Variants in GLYATL2 observed in about 807,000 individuals in gnomAD.
GLYATL2 encodes glycine-N-acyltransferase like 2.
A neutral mutation model predicts 21.4 loss-of-function variants in GLYATL2; 25 were observed. The observed-to-expected ratio is 1.17, with a 90% CI of 0.85 to 1.63. GLYATL2 has a LOEUF of 1.63. Ranked by LOEUF, GLYATL2 falls within the 40% of genes most tolerant of loss-of-function variation. GLYATL2 has a pLI of 0.00. For missense variants in GLYATL2, 361 were observed against 343.3 expected, an observed-to-expected ratio of 1.05 and a Z score of -0.41; for synonymous variants, 114 against 118.2, an observed-to-expected ratio of 0.96 and a Z score of 0.23.
upstream of GLYATL2, among the ~76,000 whole-genome samples, chr11:58,846,944 G>A (rs1228904075): frequency 6.6e-6 from 1 of 151,940 alleles, no homozygotes; most frequent in Non-Finnish European, 1.5e-5. Context: ...CCCTCTGCTT[G>A]AGGAATGAAA....
intron 1 of GLYATL2, among the ~76,000 whole-genome samples, chr11:58,863,598 G>A (rs1853970696): frequency 6.6e-6 from 1 of 152,212 alleles, no homozygotes; most frequent in African/African-American, 2.4e-5. Context: ...GGGCTGGGAT[G>A]GGGTGGGGCC....
intron 1 of GLYATL2, among the ~76,000 whole-genome samples, chr11:58,881,364 G>T (rs187436991): frequency 6.6e-6 from 1 of 152,246 alleles, no homozygotes; most frequent in East Asian, 1.9e-4. Context: ...CCTTCTCCAA[G>T]TTATTGTTAA....
intron 1 of GLYATL2, chr11:58,892,334 C>A: frequency 6.4e-6 from 1 of 155,896 alleles, no homozygotes. Flanking sequence ...ACAGATACTC[C>A]CTTGGAGGAG....
chr11:58,838,878 G>A (rs760694259), intron 2 of GLYATL2, among the ~76,000 whole-genome samples: 2 of 152,166 alleles, frequency 1.3e-5, no homozygotes, highest in Admixed American at 6.5e-5. Context: ...TGTCTAGGAA[G>A]TGATAAGGAA....
intron 1 of GLYATL2, among the ~76,000 whole-genome samples, chr11:58,879,757 T>A (rs1854298495): frequency 6.6e-6 from 1 of 152,202 alleles, no homozygotes; most frequent in Non-Finnish European, 1.5e-5. Flanking sequence ...ATGGGGGTGA[T>A]GCTTGTAGAG....
chr11:58,897,793 C>G (rs919760769), intron 1 of GLYATL2, among the ~76,000 whole-genome samples: 1 of 152,164 alleles, frequency 6.6e-6, no homozygotes, highest in Admixed American at 6.5e-5. Flanking sequence ...CTTCTTATTA[C>G]AGTTACAAAC....
intron 1 of GLYATL2, among the ~76,000 whole-genome samples, chr11:58,902,407 C>T (rs759965941): frequency 6.6e-6 from 1 of 152,196 alleles, no homozygotes; most frequent in Non-Finnish European, 1.5e-5. Context: ...ACTCATCTCT[C>T]ATCCATCAAG....
intron 1 of GLYATL2, among the ~76,000 whole-genome samples, chr11:58,852,850 T>C (rs1853765256): frequency 1.3e-5 from 2 of 152,206 alleles, no homozygotes; most frequent in Non-Finnish European, 1.5e-5. Context: ...GAACACAATA[T>C]GGTCCTTAAG....
chr11:58,866,404 G>T (rs1479791516), intron 1 of GLYATL2, among the ~76,000 whole-genome samples: 1 of 148,744 alleles, frequency 6.7e-6, no homozygotes, highest in Non-Finnish European at 1.5e-5. Flanking sequence ...CACATCTAAA[G>T]CCACCATCAT....
At chr11:58,856,086 G>A (rs564971801) in intron 1 of GLYATL2, among the ~76,000 whole-genome samples, 17 of 152,138 alleles carry the variant, frequency 1.1e-4, no homozygotes, top group East Asian at 3.9e-4. Flanking sequence ...AGCCCTGATC[G>A]CTGCACCACT....
intron 1 of GLYATL2, among the ~76,000 whole-genome samples, chr11:58,880,100 C>T (rs1338519535): frequency 3.3e-5 from 5 of 152,082 alleles, no homozygotes; most frequent in South Asian, 2.1e-4. Context: ...CCTCGTGATC[C>T]GCCCACCTCG....
chr11:58,848,716 C>G (rs964423690), upstream of GLYATL2, among the ~76,000 whole-genome samples: 4 of 151,836 alleles, frequency 2.6e-5, no homozygotes, highest in African/African-American at 9.7e-5. Context: ...TAGAAAATAG[C>G]CTTGAAAGGG....
rs541832143 is a variant in GLYATL2, at chr11:58,893,157, A to G, written n.60+10999T>C. Reference sequence around the variant, plus strand: ...GCCTTCCTTACATCAAGCGCTGCATAGGAGCCATGCCAGCAGCCTGTATCC... The same window carrying G: ...GCCTTCCTTACATCAAGCGCTGCATGGGAGCCATGCCAGCAGCCTGTATCC... On this transcript the variant is annotated intron_variant and non_coding_transcript_variant, in intron 1 of 4. Coordinates refer to the GLYATL2 transcript ENST00000533636. The G allele has an allele frequency of 3.3e-5, 13 of 388,120 alleles. No homozygotes were observed. In the South Asian group the frequency reaches 7.2e-4, roughly 21 times the overall value. 24.0% of individuals were successfully genotyped at this position (388,120 alleles called of 1,614,324 possible). A position where few individuals can be genotyped will look rare whatever the true frequency, so the allele number is the denominator to read the frequency against.
upstream of GLYATL2, among the ~76,000 whole-genome samples, chr11:58,849,470 CAT>C (rs1443948111): frequency 1.3e-5 from 2 of 152,098 alleles, no homozygotes; most frequent in East Asian, 3.9e-4. Context: ...TTTCTAGACA[CAT>C]ATGATCCACC....
intron 1 of GLYATL2, among the ~76,000 whole-genome samples, chr11:58,883,272 T>TCC (rs1854374607): frequency 6.6e-6 from 1 of 152,054 alleles, no homozygotes; most frequent in East Asian, 1.9e-4. Flanking sequence ...AATCAATGAA[T>TCC]CCAGGAGCTG....
chr11:58,850,182 T>G (rs1335211123), intron 1 of GLYATL2, among the ~76,000 whole-genome samples: 1 of 152,182 alleles, frequency 6.6e-6, no homozygotes, highest in Non-Finnish European at 1.5e-5. Flanking sequence ...AAAAAAGGCT[T>G]TCAGCTTTTC....
upstream of GLYATL2, among the ~76,000 whole-genome samples, chr11:58,848,367 G>A (rs139272710): frequency 6.4e-4 from 98 of 152,180 alleles, no homozygotes; most frequent in African/African-American, 2.3e-3. Context: ...AGACACCTGG[G>A]ACCAATCCTG....
chr11:58,842,937 G>A (rs1439488190), intron 1 of GLYATL2, among the ~76,000 whole-genome samples: 3 of 152,114 alleles, frequency 2.0e-5, no homozygotes, highest in East Asian at 3.8e-4. Flanking sequence ...TGTATACGCA[G>A]TTTCCATTTA....
chr11:58,844,823 T>A (rs932435363), upstream of GLYATL2: 3 of 152,200 alleles, frequency 2.0e-5, no homozygotes, highest in Non-Finnish European at 4.4e-5. Flanking sequence ...GCAGCCTTAT[T>A]TAAATGATGT....
Sources: allele counts gnomAD v4.1 joint callset (sites outside exome capture counted in the v4.1 genomes callset), GRCh38; gene constraint gnomAD v4.1.1; transcripts MANE v1.5; gene names NCBI Gene and HGNC (gene_info 2026-07-23, HGNC 2026-07-21).